Variants in THSD7B observed in about 807,000 individuals in gnomAD.
THSD7B encodes the protein thrombospondin type 1 domain containing 7B, also known as thrombospondin type-1 domain-containing protein 7B.
Under a neutral mutation model 213.6 loss-of-function variants are expected in THSD7B, and 138 were observed. The ratio of observed to expected loss-of-function variants is 0.65; its 90% confidence interval spans 0.56 to 0.74. The LOEUF (loss-of-function observed/expected upper bound fraction) is 0.74, where lower values mean the gene tolerates loss of function less well. THSD7B is among the 30% of genes least tolerant of loss of function. The probability of loss-of-function intolerance (pLI) is 0.00; values close to 1 mark genes in which losing one functional copy is unlikely to be tolerated. For synonymous variants in THSD7B, 742 were observed against 687.0 expected, an observed-to-expected ratio of 1.08 and a Z score of -1.25; for missense variants, 1,931 against 1,991.5, an observed-to-expected ratio of 0.97 and a Z score of 0.58.
chr2:137,507,789 C>T (rs1679871159), intron 15 of THSD7B, among the ~76,000 whole-genome samples: 1 of 151,838 alleles, frequency 6.6e-6, no homozygotes, highest in Admixed American at 6.6e-5. Context: ...TTTTGTCCTT[C>T]CTTCCTTTCA....
intron 9 of THSD7B, among the ~76,000 whole-genome samples, chr2:137,241,285 A>G (rs530465375): frequency 6.6e-6 from 1 of 152,362 alleles, no homozygotes; most frequent in South Asian, 2.1e-4. Context: ...AACCAAATGT[A>G]TAGCGTAAAG....
At chr2:137,178,031 A>G (rs1246723805) in intron 7 of THSD7B, among the ~76,000 whole-genome samples, 1 of 147,964 alleles carries the variant, frequency 6.8e-6, no homozygotes. Context: ...AGATTGCGCC[A>G]CTGTACTCCA....
chr2:137,285,276 T>C (rs927397875), intron 12 of THSD7B, among the ~76,000 whole-genome samples: 2 of 152,154 alleles, frequency 1.3e-5, no homozygotes, highest in Non-Finnish European at 2.9e-5. Flanking sequence ...CATCCCTGTA[T>C]TTTGAGCCTA....
chr2:137,128,143 C>G (rs1688661883), intron 5 of THSD7B, among the ~76,000 whole-genome samples: 1 of 152,022 alleles, frequency 6.6e-6, no homozygotes, highest in Non-Finnish European at 1.5e-5. Flanking sequence ...AATTCTATAC[C>G]TGTAATTTTC....
intron 12 of THSD7B, among the ~76,000 whole-genome samples, chr2:137,283,737 C>G (rs1683096168): frequency 6.6e-6 from 1 of 152,144 alleles, no homozygotes; most frequent in Non-Finnish European, 1.5e-5. Context: ...CCTTGCATCC[C>G]AGGAATGAAG....
chr2:137,411,756 G>C lies in THSD7B; in HGVS notation c.2843G>C (p.Arg948Pro). The C allele has an allele frequency of 6.2e-7, 1 of 1,613,930 alleles. No individual in the cohort carries two copies. The highest frequency in any genetic ancestry group is 8.5e-7 in the Non-Finnish European group (1 of 1,179,892). Residue 948 changes from arginine (R) to proline (P), a missense_variant, in exon 14 of 28, where the codon CGA (arginine) becomes CCA (proline). Transcript: ENST00000409968. ...ILPEGRREPH[R>P]GLRVQADSKE... ...CCAGAAGGCAGAAGGGAGCCTCACC[G>C]AGGACTGCGGGTACAAGCAGACAGC...
chr2:137,668,400 G>C (rs1437447184), intron 27 of THSD7B, among the ~76,000 whole-genome samples: 1 of 150,744 alleles, frequency 6.6e-6, no homozygotes, highest in Non-Finnish European at 1.5e-5. Context: ...AAGTTGTTTT[G>C]CTATATTGAC....
intron 12 of THSD7B, among the ~76,000 whole-genome samples, chr2:137,327,960 A>C (rs2104888473): frequency 6.6e-6 from 1 of 152,294 alleles, no homozygotes; most frequent in Admixed American, 6.5e-5. Flanking sequence ...TCGCAGCTGG[A>C]TGAATTTTCA....
At chr2:137,671,221 A>ATAT (rs1043994173) in intron 27 of THSD7B, among the ~76,000 whole-genome samples, 1 of 138,556 alleles carries the variant, frequency 7.2e-6, no homozygotes, top group African/African-American at 2.8e-5. Flanking sequence ...TGTTGTGTGT[A>ATAT]TATTTATGAT....
intron 2 of THSD7B, among the ~76,000 whole-genome samples, chr2:137,026,622 CCTT>C (rs1416772127): frequency 6.6e-6 from 1 of 152,076 alleles, no homozygotes; most frequent in Non-Finnish European, 1.5e-5. Flanking sequence ...TCTTATGTAT[CCTT>C]CTTGAGTCTG....
At chr2:137,563,143 A>C (rs1314023490) in intron 15 of THSD7B, 78 bp from the exon 16 acceptor site, 3 of 1,484,366 alleles carry the variant, frequency 2.0e-6, no homozygotes, top group Admixed American at 2.0e-5. Flanking sequence ...ATGTTCAGCA[A>C]GCATTACTAA....
intron 16 of THSD7B, among the ~76,000 whole-genome samples, chr2:137,570,784 T>C (rs1295204853): frequency 6.6e-6 from 1 of 152,184 alleles, no homozygotes; most frequent in African/African-American, 2.4e-5. Context: ...CTAGGGATCA[T>C]GTCTGTCTCT....
chr2:136,960,886 A>G (rs982487162), intron 2 of THSD7B, among the ~76,000 whole-genome samples: 20 of 151,924 alleles, frequency 1.3e-4, no homozygotes, highest in Middle Eastern at 3.4e-3. Context: ...TCAGGAGATC[A>G]AGACCATCCT....
intron 14 of THSD7B, among the ~76,000 whole-genome samples, chr2:137,424,540 G>C (rs1686998964): frequency 6.6e-6 from 1 of 152,134 alleles, no homozygotes; most frequent in African/African-American, 2.4e-5. Flanking sequence ...CAAAGATTAA[G>C]TGAGATTTAT....
intron 12 of THSD7B, among the ~76,000 whole-genome samples, chr2:137,371,169 G>T (rs761180943): frequency 6.6e-6 from 1 of 151,984 alleles, no homozygotes; most frequent in Non-Finnish European, 1.5e-5. Flanking sequence ...CTGCCATCCT[G>T]GGATCTCCCT....
chr2:137,202,993 AAG>A (rs1329189557), intron 7 of THSD7B, among the ~76,000 whole-genome samples: 1 of 151,840 alleles, frequency 6.6e-6, no homozygotes, highest in African/African-American at 2.4e-5. Flanking sequence ...ATACACAAAT[AAG>A]AGATGGATAG....
In THSD7B at chr2:137,453,045, A is replaced by G. The variant is rs570892506; in HGVS notation, c.3138+2022A>G. Among the ~76,000 whole-genome samples the G allele has an allele frequency of 4.3e-4, 65 of 152,270 alleles. 1 individual carries two copies. The highest frequency in any genetic ancestry group is 1.5e-3 in the African/African-American group (63 of 41,554). On this transcript the variant is annotated intron_variant, in intron 15 of 27. Coordinates refer to ENST00000409968, the MANE Select transcript of THSD7B (RefSeq NM_001316349.2). ...TCTCTTTGGTTTTTCTTGATGCTCA[A>G]AAAAGAACCCTGTATAATGATCAGA...
chr2:137,097,541 GA>G (rs1688061388), intron 4 of THSD7B, among the ~76,000 whole-genome samples: 1 of 152,046 alleles, frequency 6.6e-6, no homozygotes, highest in Non-Finnish European at 1.5e-5. Flanking sequence ...GCACAGTAAA[GA>G]TATGCACTAA....
chr2:137,314,507 C>G (rs148870016), intron 12 of THSD7B, among the ~76,000 whole-genome samples: 1 of 152,144 alleles, frequency 6.6e-6, no homozygotes, highest in South Asian at 2.1e-4. Context: ...TCTCTCACCT[C>G]GTCAAAGTCA....
Sources: gnomAD v4.1 joint callset for allele counts (sites outside exome capture counted in the v4.1 genomes callset) on GRCh38, gnomAD v4.1.1 for gene constraint, MANE v1.5 for transcripts, NCBI Gene and HGNC (gene_info 2026-07-23, HGNC 2026-07-21) for gene names.